KCTD1: variants seen among roughly 807,000 people sequenced by gnomAD.
The protein encoded by KCTD1 is BTB/POZ domain-containing protein KCTD1.
A neutral mutation model predicts 66.0 loss-of-function variants in KCTD1; 24 were observed. That is an observed-to-expected ratio of 0.36 (90% CI 0.26 to 0.51). The LOEUF (loss-of-function observed/expected upper bound fraction) is 0.51, where lower values mean the gene tolerates loss of function less well. Among genes scored for constraint, KCTD1 ranks in the 20% least tolerant of loss-of-function variants. The pLI is 0.95. For synonymous variants in KCTD1, 511 were observed against 517.2 expected, an observed-to-expected ratio of 0.99 and a Z score of 0.16; for missense variants, 943 against 1,205.2, an observed-to-expected ratio of 0.78 and a Z score of 3.22.
intron 1 of KCTD1, among the ~76,000 whole-genome samples, chr18:26,591,872 A>T (rs537938831): frequency 1.3e-5 from 2 of 152,360 alleles, no homozygotes; most frequent in South Asian, 4.1e-4. Context: ...ACTGTTAGAC[A>T]TGGAAGCATT....
At chr18:26,588,039 G>A (rs537292562) in intron 1 of KCTD1, among the ~76,000 whole-genome samples, 1 of 152,244 alleles carries the variant, frequency 6.6e-6, no homozygotes, top group East Asian at 1.9e-4. Context: ...TCCTACTGTG[G>A]GTAAAATGCC....
chr18:26,549,861 C>T, upstream of KCTD1: 4 of 955,116 alleles, frequency 4.2e-6, no homozygotes, highest in Non-Finnish European at 5.0e-6. Context: ...GAGACACTGC[C>T]CCACTTCCAG....
In KCTD1 at chr18:26,562,392, C is replaced by T. The variant is rs1985879751; in HGVS notation, c.-15-61142G>A. Among the ~76,000 whole-genome samples, 3 of 124,228 alleles carry T rather than the reference C, an allele frequency of 2.4e-5. No individual in the cohort carries two copies. In the South Asian group the frequency reaches 7.7e-4, roughly 32 times the overall value. 81.5% of individuals were successfully genotyped at this position (124,228 alleles called of 152,430 possible). A position where few individuals can be genotyped will look rare whatever the true frequency, so the allele number is the denominator to read the frequency against. On this transcript the variant is annotated intron_variant, in intron 1 of 4. Coordinates refer to the KCTD1 transcript ENST00000317932. The stretch of plus-strand genomic sequence containing the variant: ...AATTACGGGCACACATCACCATGCT[C>T]GGCTAATTTTTATTTTTTGTGTGTG...
At chr18:26,656,543 C>T (rs1054680558) in intron 1 of KCTD1, among the ~76,000 whole-genome samples, 37 of 151,748 alleles carry the variant, frequency 2.4e-4, no homozygotes, top group African/African-American at 8.2e-4. Flanking sequence ...GCCCGGCCGG[C>T]GACGAAGAGC....
chr18:26,487,296 C>T (rs2144638127), intron 2 of KCTD1, among the ~76,000 whole-genome samples: 1 of 152,322 alleles, frequency 6.6e-6, no homozygotes, highest in Non-Finnish European at 1.5e-5. Context: ...AGCCTCAGGA[C>T]TGTGAGCTAT....
intron 1 of KCTD1, among the ~76,000 whole-genome samples, chr18:26,634,771 G>C (rs1987689024): frequency 6.6e-6 from 1 of 151,956 alleles, no homozygotes; most frequent in Non-Finnish European, 1.5e-5. Context: ...CTATTTTACG[G>C]AGAAGAAACT....
At chr18:26,564,762 G>A (rs1482689046) in intron 1 of KCTD1, among the ~76,000 whole-genome samples, 10 of 151,970 alleles carry the variant, frequency 6.6e-5, no homozygotes, top group Admixed American at 5.9e-4. Context: ...GGTGATGCAC[G>A]CCTGTAATTC....
intron 1 of KCTD1, among the ~76,000 whole-genome samples, chr18:26,518,281 A>G (rs908105276): frequency 1.3e-4 from 20 of 152,140 alleles, no homozygotes; most frequent in African/African-American, 4.3e-4. Flanking sequence ...AAACAAACTA[A>G]TTTGAAAAAT....
chr18:26,469,728 T>A (rs1180278584), intron 3 of KCTD1, among the ~76,000 whole-genome samples: 3 of 152,232 alleles, frequency 2.0e-5, no homozygotes, highest in Admixed American at 6.5e-5. Flanking sequence ...TGCCTATTCA[T>A]ATTTAGATTG....
chr18:26,591,857 T>A (rs999657965), intron 1 of KCTD1, among the ~76,000 whole-genome samples: 2 of 152,232 alleles, frequency 1.3e-5, no homozygotes, highest in African/African-American at 4.8e-5. Context: ...GAGTTTACCA[T>A]CAGGACTGTT....
chr18:26,510,750 A>T (rs931553611), intron 1 of KCTD1, among the ~76,000 whole-genome samples: 3 of 152,230 alleles, frequency 2.0e-5, no homozygotes, highest in African/African-American at 7.2e-5. Flanking sequence ...GATTTCTTAC[A>T]TATTTTTAAA....
chr18:26,494,051 G>A (rs1982343829), intron 2 of KCTD1, among the ~76,000 whole-genome samples: 1 of 152,162 alleles, frequency 6.6e-6, no homozygotes, highest in African/African-American at 2.4e-5. Flanking sequence ...GGCAGATGAG[G>A]AGCACACAGT....
intron 1 of KCTD1, among the ~76,000 whole-genome samples, chr18:26,537,597 A>C (rs962959488): frequency 6.6e-6 from 1 of 152,254 alleles, no homozygotes; most frequent in Non-Finnish European, 1.5e-5. Flanking sequence ...ATTGATTTAC[A>C]TAGTATCGAA....
chr18:26,619,742 A>G (rs1463254544), intron 1 of KCTD1, among the ~76,000 whole-genome samples: 1 of 152,170 alleles, frequency 6.6e-6, no homozygotes, highest in Non-Finnish European at 1.5e-5. Context: ...TTCACTGGAC[A>G]TGGCCCTGTC....
intron 1 of KCTD1, among the ~76,000 whole-genome samples, chr18:26,647,342 A>G (rs1195586483): frequency 1.1e-3 from 51 of 46,044 alleles, no homozygotes; most frequent in Non-Finnish European, 9.9e-4. Context: ...CCCCCCCCCC[A>G]TCTCTACTAA....
At chr18:26,488,517 G>A (rs950469859) in intron 2 of KCTD1, among the ~76,000 whole-genome samples, 1 of 152,050 alleles carries the variant, frequency 6.6e-6, no homozygotes, top group African/African-American at 2.4e-5. Context: ...CGGGGTGGGA[G>A]GGGCCTCGCC....
chr18:26,496,262 A>G (rs1438661036), intron 2 of KCTD1, among the ~76,000 whole-genome samples: 4 of 152,228 alleles, frequency 2.6e-5, no homozygotes, highest in African/African-American at 4.8e-5. Flanking sequence ...TTTACAAGCT[A>G]CAAATCAAGC....
chr18:26,533,182 T>C (rs545525200), intron 1 of KCTD1, among the ~76,000 whole-genome samples: 3 of 152,344 alleles, frequency 2.0e-5, no homozygotes, highest in Admixed American at 6.5e-5. Context: ...GAATGAGATA[T>C]GTAGTAGCCC....
intron 3 of KCTD1, among the ~76,000 whole-genome samples, chr18:26,463,817 G>A (rs747599638): frequency 2.6e-5 from 4 of 152,232 alleles, no homozygotes; most frequent in Middle Eastern, 3.2e-3. Flanking sequence ...GATTACAGGC[G>A]TGAGCCACCA....
Sources: gnomAD v4.1 joint callset for allele counts (sites outside exome capture counted in the v4.1 genomes callset) on GRCh38, gnomAD v4.1.1 for gene constraint, MANE v1.5 for transcripts, NCBI Gene and HGNC (gene_info 2026-07-23, HGNC 2026-07-21) for gene names.